Variants in FAM107B observed in about 807,000 individuals in gnomAD.
FAM107B encodes family with sequence similarity 107 member B.
Under a neutral mutation model 31.5 loss-of-function variants are expected in FAM107B, and 21 were observed. The ratio of observed to expected loss-of-function variants is 0.67; its 90% CI spans 0.47 to 0.96. The LOEUF is 0.96. Among genes scored for constraint, FAM107B ranks in the 40% least tolerant of loss-of-function variants. The probability of loss-of-function intolerance (pLI) is 0.00; values close to 1 mark genes in which losing one functional copy is unlikely to be tolerated. For missense variants in FAM107B, 452 were observed against 377.1 expected, an observed-to-expected ratio of 1.20 and a Z score of -1.64; for synonymous variants, 157 against 141.5, an observed-to-expected ratio of 1.11 and a Z score of -0.78.
chr10:14,740,061 A>G (rs1450045132), intron 1 of FAM107B, among the ~76,000 whole-genome samples: 1 of 152,228 alleles, frequency 6.6e-6, no homozygotes, highest in Non-Finnish European at 1.5e-5. Context: ...CAGTGTGGCA[A>G]TTTCTTACAA....
intron 2 of FAM107B, among the ~76,000 whole-genome samples, chr10:14,549,881 A>C (rs1849093550): frequency 6.6e-6 from 1 of 152,338 alleles, no homozygotes; most frequent in African/African-American, 2.4e-5. Flanking sequence ...CCTGCAAGTG[A>C]GCATCCTACT....
At chr10:14,707,623 A>T (rs1489731691) in intron 1 of FAM107B, among the ~76,000 whole-genome samples, 1 of 152,068 alleles carries the variant, frequency 6.6e-6, no homozygotes, top group African/African-American at 2.4e-5. Flanking sequence ...CAGATTCCCC[A>T]CTCTCTGCTG....
At chr10:14,722,578 T>C (rs894843925) in intron 1 of FAM107B, among the ~76,000 whole-genome samples, 8 of 152,240 alleles carry the variant, frequency 5.3e-5, no homozygotes, top group Admixed American at 2.6e-4. Flanking sequence ...ATGACTAATA[T>C]TGAGAATCTT....
At chr10:14,751,388 C>T (rs151013200) in intron 1 of FAM107B, among the ~76,000 whole-genome samples, 1 of 152,178 alleles carries the variant, frequency 6.6e-6, no homozygotes, top group Non-Finnish European at 1.5e-5. Context: ...GTGAGCAGAA[C>T]AGTCCAGCTG....
At chr10:14,704,272 T>TGTGTGTGTGC (rs1855471828) in intron 1 of FAM107B, among the ~76,000 whole-genome samples, 1 of 148,536 alleles carries the variant, frequency 6.7e-6, no homozygotes, top group Non-Finnish European at 1.5e-5. Context: ...AATTGCTCTG[T>TGTGTGTGTGC]GTGTGTGTGT....
intron 2 of FAM107B, among the ~76,000 whole-genome samples, chr10:14,559,932 G>A (rs1426668038): frequency 6.6e-6 from 1 of 152,074 alleles, no homozygotes; most frequent in African/African-American, 2.4e-5. Context: ...TCTAAATGTG[G>A]AGAGAATAAT....
At chr10:14,730,005 A>G (rs1393160953) in intron 1 of FAM107B, among the ~76,000 whole-genome samples, 1 of 152,148 alleles carries the variant, frequency 6.6e-6, no homozygotes, top group Non-Finnish European at 1.5e-5. Context: ...ACATGGACAC[A>G]GGGAGGGGAA....
In FAM107B at chr10:14,768,455, T is replaced by C. The variant is rs571326296; in HGVS notation, c.411+5798A>G. ...GTACTGTCACAGACATATATACCAA[T>C]GGAACAGAATGAAATCTCAGAAACA... is the stretch of plus-strand genomic sequence containing the variant. On this transcript the variant is annotated intron_variant, in intron 1 of 4. Transcript: ENST00000181796. Among the ~76,000 whole-genome samples, 7 of 152,242 alleles carry C rather than the reference T, an allele frequency of 4.6e-5. No individual in the cohort carries two copies. The South Asian group carries it at 1.5e-3, about 32-fold the overall frequency.
intron 1 of FAM107B, among the ~76,000 whole-genome samples, chr10:14,699,883 C>A (rs115533160): frequency 6.6e-6 from 1 of 152,152 alleles, no homozygotes; most frequent in African/African-American, 2.4e-5. Context: ...GCCTGTGGAG[C>A]GCCAGCGAGT....
At chr10:14,694,181 G>T (rs1262665998) in intron 1 of FAM107B, among the ~76,000 whole-genome samples, 1 of 152,192 alleles carries the variant, frequency 6.6e-6, no homozygotes, top group Admixed American at 6.5e-5. Flanking sequence ...GGGAACCTGA[G>T]GGTAAAGATA....
intron 1 of FAM107B, among the ~76,000 whole-genome samples, chr10:14,739,188 G>C (rs1856379520): frequency 1.3e-5 from 2 of 152,212 alleles, no homozygotes; most frequent in East Asian, 3.8e-4. Context: ...ATTACGTAAA[G>C]TGATCACAGG....
Position 14,723,528 on chromosome 10 carries a change from A to C in FAM107B, c.411+50725T>G, listed in dbSNP as rs147705407. Reference sequence around the variant, plus strand: ...TGCACAAAACTTCCCAGGCCAGCATACACCACATCAAACCCACTGTGTGAG... The same window carrying C: ...TGCACAAAACTTCCCAGGCCAGCATCCACCACATCAAACCCACTGTGTGAG... On this transcript the variant is annotated intron_variant, in intron 1 of 4. Transcript: ENST00000181796. 2,807 of 629,550 alleles carry C rather than the reference A, an allele frequency of 4.5e-3. 52 individuals carry two copies. The highest frequency in any genetic ancestry group is 0.031 in the East Asian group (987 of 32,242). The allele number at this position is 629,550 out of a possible 1,614,324, so 39.0% of individuals were successfully genotyped here.
chr10:14,531,850 A>G (rs984555791), intron 2 of FAM107B, among the ~76,000 whole-genome samples: 1 of 152,250 alleles, frequency 6.6e-6, no homozygotes, highest in East Asian at 1.9e-4. Flanking sequence ...AACAAAATAG[A>G]AAAGGAAAGG....
intron 2 of FAM107B, among the ~76,000 whole-genome samples, chr10:14,606,675 C>T (rs1032840746): frequency 6.6e-6 from 1 of 152,044 alleles, no homozygotes; most frequent in Non-Finnish European, 1.5e-5. Flanking sequence ...CACCAGATCC[C>T]TCCTTCCTTC....
intron 1 of FAM107B, among the ~76,000 whole-genome samples, chr10:14,744,591 C>T (rs1832688633): frequency 6.6e-6 from 1 of 152,116 alleles, no homozygotes; most frequent in Non-Finnish European, 1.5e-5. Flanking sequence ...TTTTCTGTGT[C>T]TATTGTGATA....
chr10:14,592,914 C>CCA (rs1430460896), intron 2 of FAM107B, among the ~76,000 whole-genome samples: 1 of 152,210 alleles, frequency 6.6e-6, no homozygotes, highest in Admixed American at 6.5e-5. Flanking sequence ...CCTCTGCCCC[C>CCA]AAATCCTACT....
Position 14,520,819 on chromosome 10 carries a change from A to G in FAM107B, c.*371T>C, listed in dbSNP as rs1845557370. The G allele has an allele frequency of 5.4e-6, 1 of 186,050 alleles. No homozygotes were observed. The highest frequency in any genetic ancestry group is 1.1e-5 in the Non-Finnish European group (1 of 91,080). The allele number at this position is 186,050 out of a possible 1,614,324, so 11.5% of individuals were successfully genotyped here. A position where few individuals can be genotyped will look rare whatever the true frequency, so the allele number is the denominator to read the frequency against. On this transcript the variant is annotated 3_prime_UTR_variant, in exon 5 of 5. Coordinates refer to ENST00000181796, the MANE Select transcript of FAM107B (RefSeq NM_031453.4). ...CTTGTTTTTTAGCTTTTAAAAGAAA[A>G]AAGGCTCTGGGTCCCACGAAACTTG...
chr10:14,759,529 T>C lies in FAM107B; in HGVS notation c.411+14724A>G, dbSNP rs185430559. On this transcript the variant is annotated intron_variant, in intron 1 of 4. Transcript: ENST00000181796. ...GTATATTTGTTTCTGTGTCTGACTCTCCCACTAGACTATGAAGAACTTGAG... is the reference window on the plus strand; with the variant it reads ...GTATATTTGTTTCTGTGTCTGACTCCCCCACTAGACTATGAAGAACTTGAG... Among the ~76,000 whole-genome samples, 4 of 152,282 alleles carry C rather than the reference T, an allele frequency of 2.6e-5. No homozygotes were observed. The East Asian group carries it at 7.7e-4, about 29-fold the overall frequency.
intron 1 of FAM107B, among the ~76,000 whole-genome samples, chr10:14,710,716 A>T (rs571631874): frequency 6.2e-4 from 95 of 152,186 alleles, no homozygotes; most frequent in Non-Finnish European, 1.1e-3. Flanking sequence ...AAAAGTTCAA[A>T]AAGTAAAAAA....
Sources: allele counts gnomAD v4.1 joint callset (sites outside exome capture counted in the v4.1 genomes callset), GRCh38; gene constraint gnomAD v4.1.1; transcripts MANE v1.5; gene names NCBI Gene and HGNC (gene_info 2026-07-23, HGNC 2026-07-21).